The following KALRN variants were observed in gnomAD, a reference collection of about 807,000 sequenced individuals.
The protein encoded by KALRN is kalirin RhoGEF kinase.
In KALRN, 70 loss-of-function variants were observed where a neutral mutation model predicts 353.7. That is an observed-to-expected ratio of 0.20 (90% confidence interval 0.16 to 0.24). KALRN has a LOEUF of 0.24. KALRN is among the 10% of genes least tolerant of loss of function. The probability of loss-of-function intolerance (pLI) is 1.00; values close to 1 mark genes in which losing one functional copy is unlikely to be tolerated. For missense variants in KALRN, 2,791 were observed against 3,756.7 expected, an observed-to-expected ratio of 0.74 and a Z score of 6.72; for synonymous variants, 1,391 against 1,434.8, an observed-to-expected ratio of 0.97 and a Z score of 0.69.
Position 124,491,975 on chromosome 3 carries a change from C to T in KALRN, c.4689+551C>T, listed in dbSNP as rs754776369. ...CAAGAGGGAGCCTTTCACCAGAAGA[C>T]GGCCTTGAGGAGTCATTGCAGCTCT... is the stretch of plus-strand genomic sequence containing the variant. On this transcript the variant is annotated intron_variant, in intron 31 of 59. Coordinates refer to ENST00000682506, the MANE Select transcript of KALRN (RefSeq NM_001388419.1). 2.2e-3 allele frequency among the ~76,000 whole-genome samples: 331 copies of T among 152,184 alleles called. 4 individuals carry two copies. Among genetic ancestry groups the T allele is most frequent in the Non-Finnish European group, 1.5e-3 (105 of 68,018 alleles).
At chr3:124,333,860 C>T (rs1205695713) in intron 8 of KALRN, among the ~76,000 whole-genome samples, 2 of 152,206 alleles carry the variant, frequency 1.3e-5, no homozygotes, top group African/African-American at 4.8e-5. Flanking sequence ...TGATTGCACT[C>T]CAGCCTGGGG....
chr3:124,618,541 GT>G (rs1561438115), intron 34 of KALRN, among the ~76,000 whole-genome samples: 2 of 152,176 alleles, frequency 1.3e-5, no homozygotes, highest in African/African-American at 4.8e-5. Context: ...TTGAGTCTTT[GT>G]GCTTATTACT....
intron 5 of KALRN, among the ~76,000 whole-genome samples, chr3:124,276,051 C>G (rs190189303): frequency 6.6e-6 from 1 of 152,230 alleles, no homozygotes; most frequent in Non-Finnish European, 1.5e-5. Context: ...ATCTGAGACA[C>G]TTGTCACCTT....
At chr3:124,711,179 A>G in intron 57 of KALRN, among the ~76,000 whole-genome samples, 1 of 148,900 alleles carries the variant, frequency 6.7e-6, no homozygotes, top group Non-Finnish European at 1.5e-5. Flanking sequence ...TGATTAGTAC[A>G]TTATTTTTTT....
chr3:124,661,103 G>A (rs886358354), intron 44 of KALRN, 130 bp downstream of exon 44: 5 of 717,526 alleles, frequency 7.0e-6, no homozygotes, highest in Non-Finnish European at 1.3e-5. Flanking sequence ...AGAGGCTCTT[G>A]TAAACAGCTT....
intron 28 of KALRN, among the ~76,000 whole-genome samples, chr3:124,486,592 G>T (rs140838601): frequency 6.6e-6 from 1 of 152,062 alleles, no homozygotes; most frequent in South Asian, 2.1e-4. Context: ...TGGATTTTTC[G>T]ATCAAACCCT....
chr3:124,534,475 G>A (rs1257724724), intron 33 of KALRN, among the ~76,000 whole-genome samples: 1 of 152,128 alleles, frequency 6.6e-6, no homozygotes, highest in Non-Finnish European at 1.5e-5. Flanking sequence ...AACCACCATG[G>A]CACATGTATA....
At chr3:124,291,544 T>C (rs2076421572) in intron 5 of KALRN, among the ~76,000 whole-genome samples, 1 of 152,218 alleles carries the variant, frequency 6.6e-6, no homozygotes, top group Non-Finnish European at 1.5e-5. Context: ...TATTTGGCTG[T>C]TTCACAGAGA....
At chr3:124,248,284 G>A (rs1051689094) in intron 3 of KALRN, among the ~76,000 whole-genome samples, 4 of 152,230 alleles carry the variant, frequency 2.6e-5, no homozygotes, top group South Asian at 2.1e-4. Flanking sequence ...GGCCAATGCC[G>A]GGATCTCTAT....
intron 1 of KALRN, among the ~76,000 whole-genome samples, chr3:124,142,680 G>A (rs151053952): frequency 6.6e-6 from 1 of 152,186 alleles, no homozygotes; most frequent in African/African-American, 2.4e-5. Flanking sequence ...GCCTGTGTGT[G>A]TAGCCTCGAT....
At chr3:124,419,634 TG>T (rs1162689157) in intron 14 of KALRN, among the ~76,000 whole-genome samples, 1 of 152,162 alleles carries the variant, frequency 6.6e-6, no homozygotes, top group African/African-American at 2.4e-5. Context: ...ACGACTGACA[TG>T]GCTCTGGCGT....
At chr3:124,317,559 C>A (rs2078923711) in intron 6 of KALRN, among the ~76,000 whole-genome samples, 2 of 152,038 alleles carry the variant, frequency 1.3e-5, no homozygotes, top group African/African-American at 2.4e-5. Context: ...TGCAGAGATT[C>A]TCAAACATTA....
intron 6 of KALRN, 125 bp downstream of exon 6, chr3:124,299,038 C>G (rs1434756072): frequency 7.7e-7 from 1 of 1,300,840 alleles, no homozygotes; most frequent in East Asian, 2.4e-5. Flanking sequence ...CTTTGGTGTT[C>G]CATTTGTTGG....
At chr3:124,642,277 T>C (rs2082117323) in intron 37 of KALRN, among the ~76,000 whole-genome samples, 1 of 146,416 alleles carries the variant, frequency 6.8e-6, no homozygotes, top group South Asian at 2.2e-4. Context: ...AAAGCAAGAC[T>C]GTCTCTACAG....
At chr3:124,385,637 G>A (rs1278550615) in intron 11 of KALRN, among the ~76,000 whole-genome samples, 1 of 152,146 alleles carries the variant, frequency 6.6e-6, no homozygotes, top group Non-Finnish European at 1.5e-5. Flanking sequence ...CCTCCACCAA[G>A]GAAGCTGGCT....
In KALRN at chr3:124,438,985, A is replaced by T; in HGVS notation, c.3146A>T (p.His1049Leu). ...CTGGGGCCAGCAGCAGAGATCGACC[A>T]TGTCATTCCCCTCATCAGCAAACAT... ...DKLGPAAEID[H>L]VIPLISKHLE... The change falls in exon 18 of 60, where the codon CAT becomes CTT. Residue 1049 changes from histidine to leucine, a missense_variant. This residue lies in a region of KALRN where 452 missense variants were observed against 575.8 expected (regional missense o/e 0.78). Coordinates refer to ENST00000682506, the MANE Select transcript of KALRN (RefSeq NM_001388419.1). 3 of 1,614,158 alleles carry T rather than the reference A, an allele frequency of 1.9e-6. No individual in the cohort carries two copies. The South Asian group carries it at 3.3e-5, about 18-fold the overall frequency.
chr3:124,621,452 A>T (rs536710216), intron 34 of KALRN, among the ~76,000 whole-genome samples: 1 of 152,358 alleles, frequency 6.6e-6, no homozygotes, highest in Non-Finnish European at 1.5e-5. Flanking sequence ...GTGGTGGCAT[A>T]GTAAGTGGGA....
chr3:124,484,622 A>G (rs1307055185), intron 28 of KALRN, among the ~76,000 whole-genome samples: 2 of 151,972 alleles, frequency 1.3e-5, no homozygotes, highest in Non-Finnish European at 2.9e-5. Flanking sequence ...GGTGTAGGGA[A>G]TCCTCTCTCC....
chr3:124,144,115 C>A (rs1031790850), intron 1 of KALRN, among the ~76,000 whole-genome samples: 5 of 152,104 alleles, frequency 3.3e-5, no homozygotes, highest in African/African-American at 1.2e-4. Context: ...AATAGCATCC[C>A]AAATTGACTC....
Sources: gnomAD v4.1 joint callset for allele counts (sites outside exome capture counted in the v4.1 genomes callset) on GRCh38, gnomAD v4.1.1 for gene constraint, gnomAD v4.1.1 regional missense constraint, MANE v1.5 for transcripts, NCBI Gene and HGNC (gene_info 2026-07-23, HGNC 2026-07-21) for gene names.